Variants in COL26A1 observed in about 807,000 individuals in gnomAD.
COL26A1 encodes collagen alpha-1(XXVI) chain.
In COL26A1, 41 loss-of-function variants were observed where a neutral mutation model predicts 59.3. The ratio of observed to expected loss-of-function variants is 0.69; its 90% confidence interval spans 0.54 to 0.90. The LOEUF (loss-of-function observed/expected upper bound fraction) is 0.90, where lower values mean the gene tolerates loss of function less well. Among genes scored for constraint, COL26A1 ranks in the 40% least tolerant of loss-of-function variants. COL26A1 has a pLI of 0.00. For synonymous variants in COL26A1, 266 were observed against 256.0 expected (o/e 1.04, Z -0.37); for missense variants, 612 against 602.3 (o/e 1.02, Z -0.17).
chr7:101,467,521 C>T (rs918231735), intron 3 of COL26A1, among the ~76,000 whole-genome samples: 6 of 151,784 alleles, frequency 4.0e-5, no homozygotes, highest in Non-Finnish European at 7.4e-5. Flanking sequence ...GGGTTCTCTA[C>T]CTGGCTGCTG....
chr7:101,476,523 A>G (rs936306112), intron 3 of COL26A1, among the ~76,000 whole-genome samples: 2 of 151,556 alleles, frequency 1.3e-5, no homozygotes, highest in African/African-American at 2.4e-5. Flanking sequence ...GTTGGTTAAC[A>G]TCGGGTTACT....
chr7:101,430,187 T>A (rs530166786), intron 2 of COL26A1, among the ~76,000 whole-genome samples: 20 of 152,286 alleles, frequency 1.3e-4, no homozygotes, highest in South Asian at 4.1e-4. Context: ...CTTATTTTGT[T>A]AGATTCATAC....
intron 3 of COL26A1, among the ~76,000 whole-genome samples, chr7:101,449,263 C>T (rs2130382892): frequency 6.6e-6 from 1 of 152,326 alleles, no homozygotes; most frequent in South Asian, 2.1e-4. Context: ...GCTCACAGGT[C>T]CCTCATGGAG....
At chr7:101,489,816 T>C (rs369765517) in intron 3 of COL26A1, among the ~76,000 whole-genome samples, 77 of 4,742 alleles carry the variant, frequency 0.016, 6 homozygotes, top group East Asian at 0.12. Context: ...CTTTCTTTCT[T>C]TCTTTCTTTC....
At chr7:101,390,213 A>G (rs567426814) in intron 1 of COL26A1, among the ~76,000 whole-genome samples, 45 of 124,460 alleles carry the variant, frequency 3.6e-4, no homozygotes, top group African/African-American at 1.2e-3. Context: ...GCTAGGGTGC[A>G]GTGGCACAAT....
At chr7:101,475,920 T>C (rs13228721) in intron 3 of COL26A1, among the ~76,000 whole-genome samples, 42,023 of 146,302 alleles carry the variant, frequency 0.29, 6,511 homozygotes, top group Non-Finnish European at 0.35. Context: ...CTCTCTCTCT[T>C]TCTTTCTCTC....
At position 101,511,531 on chromosome 7, in the gene COL26A1, A is replaced by G. The variant is rs1794926085; in HGVS notation, c.386-21551A>G. Among the ~76,000 whole-genome samples, 3 of 152,246 alleles carry G rather than the reference A, an allele frequency of 2.0e-5. No homozygotes were observed. In the South Asian group the frequency reaches 6.2e-4, roughly 32 times the overall value. ...CAGAGCCCTGCTCTAGGCTGAAGGC[A>G]GACAGGACCTGCTGGTCCCTGGCCA... On this transcript the variant is annotated intron_variant, in intron 3 of 12. Coordinates refer to ENST00000313669, the MANE Select transcript of COL26A1 (RefSeq NM_001278563.3).
Position 101,387,738 on chromosome 7 carries a change from ATATATATATATATATT to A in COL26A1, c.158+24564_158+24579del, listed in dbSNP as rs200038798. The stretch of plus-strand genomic sequence containing the variant: ...TTTTAACATATATTTTAATATAATT[ATATATATATATATATT>A]TATATATATATATATATATATATAT... On this transcript the variant is annotated intron_variant, in intron 1 of 12. Transcript: ENST00000313669. Among the ~76,000 whole-genome samples, 227 of 101,130 alleles carry A rather than the reference ATATATATATATATATT, an allele frequency of 2.2e-3. 2 individuals carry two copies. Among genetic ancestry groups the A allele is most frequent in the East Asian group, 8.8e-3 (37 of 4,184 alleles). The allele number at this position is 101,130 out of a possible 152,430, so 66.3% of individuals were successfully genotyped here.
Position 101,362,904 on chromosome 7 carries a change from GGCTCCGACCGCTCGCCCC to G in COL26A1, c.-123_-106del. ...CCCACACATTTCCAGCTCGCACCCGGGCTCCGACCGCTCGCCCCGCTCCTCTCGCTGTGCTCCCGGCCG... is the reference window on the plus strand; with the variant it reads ...CCCACACATTTCCAGCTCGCACCCGGGCTCCTCTCGCTGTGCTCCCGGCCG... On this transcript the variant is annotated 5_prime_UTR_variant, in exon 1 of 13. Coordinates refer to ENST00000313669, the MANE Select transcript of COL26A1 (RefSeq NM_001278563.3). The G allele has an allele frequency of 1.0e-6, 1 of 959,238 alleles. No individual in the cohort carries two copies. The highest frequency in any genetic ancestry group is 1.5e-6 in the Non-Finnish European group (1 of 684,088). The allele number at this position is 959,238 out of a possible 1,614,324, so 59.4% of individuals were successfully genotyped here. A position where few individuals can be genotyped will look rare whatever the true frequency, so the allele number is the denominator to read the frequency against.
intron 3 of COL26A1, among the ~76,000 whole-genome samples, chr7:101,474,284 T>C (rs114098898): frequency 1.9e-3 from 288 of 152,176 alleles, no homozygotes; most frequent in African/African-American, 6.8e-3. Context: ...GAGGAGGAAA[T>C]GAATGAATCA....
chr7:101,531,635 G>A (rs528530480), intron 3 of COL26A1, among the ~76,000 whole-genome samples: 5 of 152,270 alleles, frequency 3.3e-5, no homozygotes, highest in African/African-American at 1.2e-4. Context: ...CAGCGAGTAG[G>A]GTGTTGCCCC....
intron 10 of COL26A1, 95 bp downstream of exon 10, chr7:101,551,238 T>TGGGGGGGGGGGCC: frequency 2.0e-6 from 1 of 491,344 alleles, no homozygotes; most frequent in East Asian, 5.2e-5. Flanking sequence ...GGTGGGGGGG[T>TGGGGGGGGGGGCC]TCAGCCCTGG....
chr7:101,390,148 G>GTT (rs60091954), intron 1 of COL26A1, among the ~76,000 whole-genome samples: 25 of 72,368 alleles, frequency 3.5e-4, no homozygotes, highest in East Asian at 8.8e-4. Flanking sequence ...CATGTTAAGG[G>GTT]TTTTTTTTTT....
chr7:101,386,761 A>G (rs2117042589), intron 1 of COL26A1, among the ~76,000 whole-genome samples: 1 of 152,358 alleles, frequency 6.6e-6, no homozygotes, highest in Admixed American at 6.5e-5. Flanking sequence ...GAAGTGAACC[A>G]GGAGTGAACA....
At chr7:101,365,811 T>A (rs1791032009) in intron 1 of COL26A1, among the ~76,000 whole-genome samples, 1 of 105,896 alleles carries the variant, frequency 9.4e-6, no homozygotes, top group Non-Finnish European at 1.8e-5. Flanking sequence ...AATTAAAAGG[T>A]GTGGGAAGGA....
At chr7:101,545,823 A>G (rs1584503831) in intron 7 of COL26A1, among the ~76,000 whole-genome samples, 2 of 152,130 alleles carry the variant, frequency 1.3e-5, no homozygotes, top group East Asian at 3.9e-4. Flanking sequence ...TGGGGTTGTG[A>G]GCCCCAAAGT....
chr7:101,419,453 G>T (rs895072020), intron 1 of COL26A1, among the ~76,000 whole-genome samples: 1 of 151,994 alleles, frequency 6.6e-6, no homozygotes, highest in Non-Finnish European at 1.5e-5. Context: ...ACTTGCCGTG[G>T]TCTCTCTCCG....
intron 3 of COL26A1, among the ~76,000 whole-genome samples, chr7:101,487,715 G>T (rs931335762): frequency 6.6e-6 from 1 of 152,110 alleles, no homozygotes; most frequent in African/African-American, 2.4e-5. Context: ...CCTCCAGCCA[G>T]CCCTGTGGTT....
chr7:101,496,879 C>T (rs570985019), intron 3 of COL26A1, among the ~76,000 whole-genome samples: 15 of 111,380 alleles, frequency 1.3e-4, no homozygotes, highest in African/African-American at 6.0e-4. Flanking sequence ...GACCCTGTCT[C>T]AAAGAAAAAA....
Sources: gnomAD v4.1 joint callset for allele counts (sites outside exome capture counted in the v4.1 genomes callset) on GRCh38, gnomAD v4.1.1 for gene constraint, MANE v1.5 for transcripts, NCBI Gene and HGNC (gene_info 2026-07-23, HGNC 2026-07-21) for gene names.